BUD31: variants seen among roughly 807,000 people sequenced by gnomAD.
BUD31 encodes protein BUD31 homolog.
In BUD31, 9 loss-of-function variants were observed where a neutral mutation model predicts 17.9. The observed-to-expected ratio is 0.50, with a 90% CI of 0.30 to 0.88. The LOEUF is 0.88. Among genes scored for constraint, BUD31 ranks in the 40% least tolerant of loss-of-function variants. The probability of loss-of-function intolerance (pLI) is 0.06; values close to 1 mark genes in which losing one functional copy is unlikely to be tolerated. For synonymous variants in BUD31, 70 were observed against 64.7 expected (o/e 1.08, Z -0.39); for missense variants, 148 against 184.5 (o/e 0.80, Z 1.15).
chr7:99,415,103 C>T (rs930048370), intron 3 of BUD31: 18 of 417,850 alleles, frequency 4.3e-5, no homozygotes, highest in East Asian at 3.7e-4. Context: ...GACGAGAGAG[C>T]GTAGAAATAA....
intron 3 of BUD31, among the ~76,000 whole-genome samples, chr7:99,412,464 T>C (rs1366255117): frequency 6.6e-6 from 1 of 152,210 alleles, no homozygotes; most frequent in Non-Finnish European, 1.5e-5. Flanking sequence ...GGTCTCACTT[T>C]GTTGCCCAGG....
chr7:99,410,394 A>ATT (rs111796919), intron 2 of BUD31, among the ~76,000 whole-genome samples: 21 of 124,156 alleles, frequency 1.7e-4, no homozygotes, highest in Admixed American at 1.0e-3. Context: ...AATTTTTTTG[A>ATT]TTTTTTTTTT....
intron 4 of BUD31, chr7:99,417,048 G>A (rs1035878238): frequency 3.3e-5 from 7 of 214,424 alleles, no homozygotes; most frequent in African/African-American, 1.2e-4. Context: ...GGACTGTCCC[G>A]TTGCAATACT....
At chr7:99,417,928 C>T (rs1340252451) in intron 5 of BUD31, 5 of 1,272,972 alleles carry the variant, frequency 3.9e-6, no homozygotes, top group Non-Finnish European at 5.0e-6. Context: ...AGTTCCTGTC[C>T]CTTTCAGTCC....
intron 5 of BUD31, 126 bp from the exon 6 acceptor site, chr7:99,419,265 G>C (rs1795685137): frequency 8.5e-7 from 1 of 1,178,566 alleles, no homozygotes; most frequent in South Asian, 1.3e-5. Context: ...TGTCAAGGAA[G>C]GGTTTCTGAG....
At chr7:99,410,995 C>G in intron 2 of BUD31, 69 bp from the exon 3 acceptor site, 1 of 1,038,216 alleles carries the variant, frequency 9.6e-7, no homozygotes, top group South Asian at 1.4e-5. Context: ...TCAGCCTGTA[C>G]CGAAATAATG....
At position 99,419,481 on chromosome 7, in the gene BUD31, TCCTGCCTGTCACGCCACCC is replaced by T. The variant is rs1185200125; in HGVS notation, c.*44_*62del. On this transcript the variant is annotated 3_prime_UTR_variant, in exon 6 of 6. Transcript: ENST00000222969. ...ACCCTGGACTCTGGACTTCGCAGGTTCCTGCCTGTCACGCCACCCCCTTCCTGGGAGCAGCGAGCAGTGC... is the reference window on the plus strand; with the variant it reads ...ACCCTGGACTCTGGACTTCGCAGGTTCCTTCCTGGGAGCAGCGAGCAGTGC... 3.1e-6 allele frequency: 5 copies of T among 1,606,268 alleles called. No individual in the cohort carries two copies. The highest frequency in any genetic ancestry group is 4.2e-6 in the Non-Finnish European group (5 of 1,178,698).
rs1011564096 is a variant in BUD31, at chr7:99,409,167, A to T, written c.-244A>T. 6.6e-6 allele frequency: 1 copy of T among 152,122 alleles called. No individual in the cohort carries two copies. The highest frequency in any genetic ancestry group is 1.5e-5 in the Non-Finnish European group (1 of 68,082). 9.4% of individuals were successfully genotyped at this position (152,122 alleles called of 1,614,324 possible). ...GAGGCCGGAGAGAGCTCCCGAGAGGAGGCGGCGCCACGTTCGTTCTTCTGA... is the reference window on the plus strand; with the variant it reads ...GAGGCCGGAGAGAGCTCCCGAGAGGTGGCGGCGCCACGTTCGTTCTTCTGA... On this transcript the variant is annotated 5_prime_UTR_variant, in exon 1 of 6. Transcript: ENST00000222969.
At chr7:99,412,580 T>C (rs1370894881) in intron 3 of BUD31, among the ~76,000 whole-genome samples, 4 of 151,954 alleles carry the variant, frequency 2.6e-5, no homozygotes, top group African/African-American at 9.7e-5. Flanking sequence ...AGGCATCCAC[T>C]GCCACGCTTG....
Position 99,411,170 on chromosome 7 carries a change from T to A in BUD31, c.78T>A (p.Asp26Glu). Residue 26 changes from aspartate (D) to glutamate (E), a missense_variant, in exon 3 of 6, where the codon GAT (aspartate) becomes GAA (glutamate). Transcript: ENST00000222969. Reference sequence around the variant, plus strand: ...TTGAGCCAACACTGGATGAATTAGATCAAAAGATGAGAGAAGGTGAGTAGG... The same window carrying A: ...TTGAGCCAACACTGGATGAATTAGAACAAAAGATGAGAGAAGGTGAGTAGG... The part of the protein sequence containing the change: ...ELIEPTLDEL[D>E]QKMREAETEP... 1 of 1,613,842 alleles carries A rather than the reference T, an allele frequency of 6.2e-7. No individual in the cohort carries two copies. The highest frequency in any genetic ancestry group is 1.1e-5 in the South Asian group (1 of 91,016).
At chr7:99,417,814 C>G in intron 5 of BUD31, 5 of 1,500,728 alleles carry the variant, frequency 3.3e-6, no homozygotes, top group Non-Finnish European at 4.4e-6. Flanking sequence ...CTCAACTCCA[C>G]TTTTGGGCAA....
chr7:99,412,778 AT>A (rs36101411), intron 3 of BUD31, among the ~76,000 whole-genome samples: 321 of 138,332 alleles, frequency 2.3e-3, no homozygotes, highest in Middle Eastern at 3.7e-3. Flanking sequence ...TGCCCAGCTA[AT>A]TTTTTTTTTT....
At chr7:99,419,177 G>A in intron 5 of BUD31, 2 of 586,562 alleles carry the variant, frequency 3.4e-6, no homozygotes, top group Admixed American at 6.0e-5. Flanking sequence ...ATTATAAATA[G>A]ACATACAGAT....
chr7:99,410,338 C>T (rs1795126688), intron 2 of BUD31, among the ~76,000 whole-genome samples, 169 bp downstream of exon 2: 1 of 145,100 alleles, frequency 6.9e-6, no homozygotes. Context: ...CTTGCCTCAG[C>T]CTTCCGTGTA....
chr7:99,413,466 A>AG (rs988802916), intron 3 of BUD31, among the ~76,000 whole-genome samples: 67 of 152,250 alleles, frequency 4.4e-4, no homozygotes, highest in African/African-American at 1.4e-3. Flanking sequence ...AGATGAAATT[A>AG]GAAGTGCCTT....
intron 3 of BUD31, among the ~76,000 whole-genome samples, chr7:99,414,017 A>G (rs1382861418): frequency 2.0e-5 from 3 of 152,260 alleles, no homozygotes; most frequent in Non-Finnish European, 4.4e-5. Flanking sequence ...ACAAGGTTTG[A>G]GAGTGGCATG....
chr7:99,409,809 G>A (rs368116093), intron 1 of BUD31, among the ~76,000 whole-genome samples: 5 of 151,598 alleles, frequency 3.3e-5, no homozygotes, highest in Admixed American at 1.3e-4. Context: ...AGTACAGAAG[G>A]GAGTGACTGA....
chr7:99,417,937 C>T, intron 5 of BUD31: 1 of 1,256,670 alleles, frequency 8.0e-7, no homozygotes, highest in South Asian at 1.5e-5. Flanking sequence ...CCCTTTCAGT[C>T]CTCACAGTGA....
chr7:99,415,674 G>A (rs766836205), intron 3 of BUD31, among the ~76,000 whole-genome samples: 3 of 152,090 alleles, frequency 2.0e-5, no homozygotes, highest in Non-Finnish European at 2.9e-5. Flanking sequence ...GCTTGGCAAC[G>A]GGCATCTTCC....
Sources: allele counts gnomAD v4.1 joint callset (sites outside exome capture counted in the v4.1 genomes callset), GRCh38; gene constraint gnomAD v4.1.1; transcripts MANE v1.5; gene names NCBI Gene and HGNC (gene_info 2026-07-23, HGNC 2026-07-21).